PLCG2: variants seen among roughly 807,000 people sequenced by gnomAD.
The protein encoded by PLCG2 is phospholipase C gamma 2, also known as 1-phosphatidylinositol 4,5-bisphosphate phosphodiesterase gamma-2.
In PLCG2, 69 loss-of-function variants were observed where a neutral mutation model predicts 175.6. The observed-to-expected ratio is 0.39, with a 90% CI of 0.32 to 0.48. PLCG2 has a LOEUF of 0.48. Ranked by LOEUF, PLCG2 falls within the 20% of genes least tolerant of loss-of-function variation. PLCG2 has a pLI of 0.91. For synonymous variants in PLCG2, 827 were observed against 624.0 expected (o/e 1.33, Z -4.85); for missense variants, 1,798 against 1,650.9 (o/e 1.09, Z -1.54).
At chr16:81,906,079 A>G (rs1909356565) in intron 15 of PLCG2, 2 of 67,238 alleles carry the variant, frequency 3.0e-5, no homozygotes, top group South Asian at 1.2e-3. Flanking sequence ...TTCTCCAAAT[A>G]TTATTAATAA....
At chr16:81,746,522 C>T (rs985589442) in intron 1 of PLCG2, among the ~76,000 whole-genome samples, 1 of 152,196 alleles carries the variant, frequency 6.6e-6, no homozygotes, top group Non-Finnish European at 1.5e-5. Flanking sequence ...GGGGCTCTCA[C>T]CCCAGCGCCG....
intron 15 of PLCG2, 31 bp from the exon 16 acceptor site, chr16:81,907,653 TG>T (rs763349804): frequency 7.9e-6 from 12 of 1,527,014 alleles, no homozygotes; most frequent in African/African-American, 1.4e-5. Flanking sequence ...GTAGAGGACT[TG>T]GGGGGCACTA....
chr16:81,803,268 A>G (rs976131043), intron 2 of PLCG2, among the ~76,000 whole-genome samples: 38 of 151,676 alleles, frequency 2.5e-4, no homozygotes, highest in African/African-American at 4.1e-4. Context: ...ACAGGTGCCC[A>G]CCACCACGCC....
rs1907891055 is a variant in PLCG2, at chr16:81,877,976, T to A, written c.649-2934T>A. Among the ~76,000 whole-genome samples, 9 of 48,336 alleles carry A rather than the reference T, an allele frequency of 1.9e-4. No individual in the cohort carries two copies. In the South Asian group the frequency reaches 3.2e-3, roughly 17 times the overall value. 31.7% of individuals were successfully genotyped at this position (48,336 alleles called of 152,430 possible). A position where few individuals can be genotyped will look rare whatever the true frequency, so the allele number is the denominator to read the frequency against. ...AAATCTCCCTCTTTTTTTTTTAATT[T>A]TTTTTTTTTTTTTTTTTTTTTTTGA... On this transcript the variant is annotated intron_variant, in intron 7 of 32. Coordinates refer to ENST00000564138, the MANE Select transcript of PLCG2 (RefSeq NM_002661.5).
intron 2 of PLCG2, among the ~76,000 whole-genome samples, chr16:81,805,564 C>T (rs1911965797): frequency 6.9e-6 from 1 of 144,262 alleles, no homozygotes. Flanking sequence ...AAAAGCTCAA[C>T]AATAAGAAAA....
intron 2 of PLCG2, among the ~76,000 whole-genome samples, chr16:81,836,077 C>T (rs779055577): frequency 3.9e-5 from 6 of 152,192 alleles, no homozygotes; most frequent in African/African-American, 7.2e-5. Context: ...GTTCAACCCC[C>T]AACATTACCC....
At chr16:81,817,415 G>C (rs1472598305) in intron 2 of PLCG2, among the ~76,000 whole-genome samples, 3 of 152,232 alleles carry the variant, frequency 2.0e-5, no homozygotes, top group African/African-American at 7.2e-5. Flanking sequence ...TATTATTTTT[G>C]AGAAGGAGTT....
chr16:81,900,837 C>G, intron 14 of PLCG2, 57 bp downstream of exon 14: 1 of 1,503,738 alleles, frequency 6.7e-7, no homozygotes, highest in Admixed American at 1.8e-5. Context: ...CTCGGTTCCC[C>G]GGCTCTGGGT....
At position 81,921,045 on chromosome 16, in the gene PLCG2, G is replaced by A. The variant is rs1419952688; in HGVS notation, c.2236-153G>A. 2.0e-5 allele frequency among the ~76,000 whole-genome samples: 3 copies of A among 152,190 alleles called. No homozygotes were observed. In the East Asian group the frequency reaches 5.8e-4, roughly 29 times the overall value. ...GGGACCTTCTTTATAGCTTCTTCCT[G>A]TGTCTACTCATGGGCCAAAAGAAAA... On this transcript the variant is annotated intron_variant, in intron 20 of 32. Transcript: ENST00000564138.
At position 81,741,350 on chromosome 16, in the gene PLCG2, G is replaced by A. The variant is rs528294001; in HGVS notation, c.-145+1965G>A. The stretch of plus-strand genomic sequence containing the variant: ...GCTCACACAGCCAGGAAGTAGAATC[G>A]CTTCTATTTGAACCCAGTCTGGTTC... On this transcript the variant is annotated intron_variant, in intron 1 of 5. Transcript: ENST00000565054. 2.6e-5 allele frequency among the ~76,000 whole-genome samples: 4 copies of A among 152,282 alleles called. No individual in the cohort carries two copies. In the East Asian group the frequency reaches 7.7e-4, roughly 29 times the overall value.
At chr16:81,955,380 C>T (rs1265756246) in intron 31 of PLCG2, among the ~76,000 whole-genome samples, 1 of 152,158 alleles carries the variant, frequency 6.6e-6, no homozygotes, top group East Asian at 1.9e-4. Context: ...TCGGGAAAGG[C>T]CAATTGACTT....
At chr16:81,882,687 C>G (rs1048412409) in intron 8 of PLCG2, among the ~76,000 whole-genome samples, 1 of 151,888 alleles carries the variant, frequency 6.6e-6, no homozygotes, top group African/African-American at 2.4e-5. Context: ...GAGGCCGCTG[C>G]TTCTCTGGTT....
chr16:81,948,873 T>TAC (rs1167194128), intron 31 of PLCG2, among the ~76,000 whole-genome samples: 9 of 152,232 alleles, frequency 5.9e-5, no homozygotes, highest in Admixed American at 4.6e-4. Context: ...CAGACTAAGG[T>TAC]ACACACCTGG....
chr16:81,858,033 C>T (rs1047728181), intron 3 of PLCG2: 1 of 498,162 alleles, frequency 2.0e-6, no homozygotes, highest in Non-Finnish European at 3.6e-6. Flanking sequence ...AAATAACCCA[C>T]TTGTCATCCC....
intron 21 of PLCG2, chr16:81,921,712 C>G (rs1203677374): frequency 4.0e-6 from 1 of 249,254 alleles, no homozygotes; most frequent in African/African-American, 2.3e-5. Flanking sequence ...TCGGCTCCTC[C>G]TTGCCATGCT....
At chr16:81,944,832 G>A (rs1179954608) in intron 30 of PLCG2, among the ~76,000 whole-genome samples, 1 of 152,090 alleles carries the variant, frequency 6.6e-6, no homozygotes, top group East Asian at 1.9e-4. Context: ...TATCTGGGGA[G>A]GTCCTGAACG....
chr16:81,874,644 A>G (rs978634664), intron 7 of PLCG2, among the ~76,000 whole-genome samples: 3 of 152,184 alleles, frequency 2.0e-5, no homozygotes, highest in Non-Finnish European at 2.9e-5. Context: ...AGAGCTATTT[A>G]TGGTGACTTA....
intron 2 of PLCG2, among the ~76,000 whole-genome samples, chr16:81,808,229 C>T: frequency 6.6e-6 from 1 of 152,176 alleles, no homozygotes; most frequent in East Asian, 1.9e-4. Context: ...TTTTGAGGCA[C>T]CACCAGCCTG....
At chr16:81,841,385 C>T (rs868428701) in intron 2 of PLCG2, among the ~76,000 whole-genome samples, 12 of 151,840 alleles carry the variant, frequency 7.9e-5, no homozygotes, top group African/African-American at 2.2e-4. Flanking sequence ...GGCACCCAGG[C>T]GCTTACTACC....
Sources: gnomAD v4.1 joint callset for allele counts (sites outside exome capture counted in the v4.1 genomes callset) on GRCh38, gnomAD v4.1.1 for gene constraint, MANE v1.5 for transcripts, NCBI Gene and HGNC (gene_info 2026-07-23, HGNC 2026-07-21) for gene names.